The following EPS8 variants were observed in gnomAD, a reference collection of about 807,000 sequenced individuals.
EPS8 encodes the protein EGFR pathway substrate 8, signaling adaptor, also known as epidermal growth factor receptor kinase substrate 8.
A neutral mutation model predicts 103.8 loss-of-function variants in EPS8; 42 were observed. That is an observed-to-expected ratio of 0.40 (90% CI 0.32 to 0.52). The LOEUF is 0.52. Ranked by LOEUF, EPS8 falls within the 20% of genes least tolerant of loss-of-function variation. EPS8 has a pLI of 0.40. For synonymous variants in EPS8, 344 were observed against 344.6 expected (o/e 1.00, Z 0.02); for missense variants, 969 against 1,005.1 (o/e 0.96, Z 0.49).
Position 15,749,279 on chromosome 12 carries a change from A to G in EPS8, c.-22+39882T>C, listed in dbSNP as rs368390760. Among the ~76,000 whole-genome samples, 5 of 152,012 alleles carry G rather than the reference A, an allele frequency of 3.3e-5. No homozygotes were observed. The East Asian group carries it at 5.8e-4, about 18-fold the overall frequency. ...TTTTAATATAATATCCTTTTATAGC[A>G]CTCGCTGTCTGTGGCATTTCATTGA... is the stretch of plus-strand genomic sequence containing the variant. On this transcript the variant is annotated intron_variant, in intron 1 of 20. Transcript: ENST00000281172. The surrounding 1 kb of genome is among the most constrained non-coding windows in gnomAD (Gnocchi z 4.0).
In EPS8 at chr12:15,735,818, A is replaced by G. The variant is rs1946762016; in HGVS notation, c.-21-52846T>C. On this transcript the variant is annotated intron_variant, in intron 1 of 20. Transcript: ENST00000281172. This position sits in a 1 kb window ranked among gnomAD's most constrained non-coding sequence, Gnocchi z 4.4. ...TATCAATTAAATATTTAAACAATCC[A>G]TAATTGGCAATATTTTTAAAAACTT... Among the ~76,000 whole-genome samples the G allele has an allele frequency of 6.6e-6, 1 of 152,228 alleles. No individual in the cohort carries two copies. Among genetic ancestry groups the G allele is most frequent in the Non-Finnish European group, 1.5e-5 (1 of 68,034 alleles).
chr12:15,639,650 G>C (rs1300561871), intron 17 of EPS8, among the ~76,000 whole-genome samples: 2 of 152,106 alleles, frequency 1.3e-5, no homozygotes, highest in Non-Finnish European at 2.9e-5. Flanking sequence ...AAGTCCCTCT[G>C]GATAAGCACA....
intron 14 of EPS8, among the ~76,000 whole-genome samples, chr12:15,649,483 C>T (rs1945375772): frequency 6.6e-6 from 1 of 151,992 alleles, no homozygotes; most frequent in Non-Finnish European, 1.5e-5. Context: ...AAAGAAAATT[C>T]ACAGTGATGA....
chr12:15,674,596 T>C (rs1945871786), intron 3 of EPS8, among the ~76,000 whole-genome samples: 1 of 152,200 alleles, frequency 6.6e-6, no homozygotes, highest in Admixed American at 6.5e-5. Context: ...ATCATTTCTT[T>C]AAAACTACAT....
chr12:15,654,461 T>G, intron 12 of EPS8, 168 bp from the exon 13 acceptor site: 1 of 659,854 alleles, frequency 1.5e-6, no homozygotes, highest in Non-Finnish European at 2.6e-6. Context: ...TCAAATCAAC[T>G]TGCCCAGCCC....
rs533025960 is a variant in EPS8, at chr12:15,714,753, C to T, written c.-21-31781G>A. Among the ~76,000 whole-genome samples the T allele has an allele frequency of 1.3e-5, 2 of 152,302 alleles. No individual in the cohort carries two copies. The highest frequency in any genetic ancestry group is 1.5e-5 in the Non-Finnish European group (1 of 68,024). ...AAAAATACATTCTCTGTATAGTGCA[C>T]TCAGAGTTTTCATCAGGTTTCTATA... On this transcript the variant is annotated intron_variant, in intron 1 of 20. Transcript: ENST00000281172. This position sits in a 1 kb window ranked among gnomAD's most constrained non-coding sequence, Gnocchi z 4.1.
In EPS8 at chr12:15,760,952, A is replaced by G. The variant is rs190371166; in HGVS notation, c.-22+28209T>C. On this transcript the variant is annotated intron_variant, in intron 1 of 20. Transcript: ENST00000281172. The surrounding 1 kb of genome is among the most constrained non-coding windows in gnomAD (Gnocchi z 4.5). Reference sequence around the variant, plus strand: ...TGCAGTACTCCTAGCTAGAGCAATCAGACAAGAGAAAGAAAGAAAGGGCAT... The same window carrying G: ...TGCAGTACTCCTAGCTAGAGCAATCGGACAAGAGAAAGAAAGAAAGGGCAT... Among the ~76,000 whole-genome samples, 412 of 152,234 alleles carry G rather than the reference A, an allele frequency of 2.7e-3. 4 individuals carry two copies. Among genetic ancestry groups the G allele is most frequent in the African/African-American group, 8.3e-3 (347 of 41,564 alleles).
At chr12:15,732,079 C>T (rs1228028378) in intron 1 of EPS8, among the ~76,000 whole-genome samples, 1 of 152,124 alleles carries the variant, frequency 6.6e-6, no homozygotes, top group Non-Finnish European at 1.5e-5. Context: ...AAAACTCTAA[C>T]CCTATTCCCA....
At chr12:15,635,760 A>T (rs1409004880) in intron 17 of EPS8, among the ~76,000 whole-genome samples, 1 of 152,182 alleles carries the variant, frequency 6.6e-6, no homozygotes, top group East Asian at 1.9e-4. Context: ...CAGAAAAATA[A>T]AATGCTCTCT....
In EPS8 at chr12:15,650,804, A is replaced by T; in HGVS notation, c.1434+19T>A. ...ATAATTACACTGTCTACAGAGGGCA[A>T]TGTTAAAAAAAAAACTACCTCTGTG... On this transcript the variant is annotated intron_variant, in intron 14 of 20. Transcript: ENST00000281172. The T allele has an allele frequency of 6.3e-7, 1 of 1,591,986 alleles. No homozygotes were observed. Among genetic ancestry groups the T allele is most frequent in the South Asian group, 1.1e-5 (1 of 89,748 alleles).
chr12:15,695,448 A>G lies in EPS8; in HGVS notation c.-21-12476T>C, dbSNP rs936074498. Reference sequence around the variant, plus strand: ...ATGCACTATATTAGCACTGCTCAATACAGTAGCTGAGCACAAGTGTTGAGC... The same window carrying G: ...ATGCACTATATTAGCACTGCTCAATGCAGTAGCTGAGCACAAGTGTTGAGC... On this transcript the variant is annotated intron_variant, in intron 1 of 20. Transcript: ENST00000281172. This position sits in a 1 kb window ranked among gnomAD's most constrained non-coding sequence, Gnocchi z 5.0. 2.4e-4 allele frequency among the ~76,000 whole-genome samples: 36 copies of G among 152,384 alleles called. No homozygotes were observed. Among genetic ancestry groups the G allele is most frequent in the South Asian group, 4.1e-4 (2 of 4,832 alleles).
At chr12:15,650,756 CAG>C (rs1375493190) in intron 14 of EPS8, 65 bp downstream of exon 14, 1 of 1,286,920 alleles carries the variant, frequency 7.8e-7, no homozygotes, top group Non-Finnish European at 1.1e-6. Context: ...AACTTGCAAT[CAG>C]AATTACAAGA....
chr12:15,666,305 T>A, intron 7 of EPS8, 135 bp downstream of exon 7: 2 of 649,970 alleles, frequency 3.1e-6, no homozygotes, highest in South Asian at 2.1e-5. Flanking sequence ...GGAGAACAAA[T>A]GTGTTGAGAC....
chr12:15,782,686 A>G (rs1295816095), intron 1 of EPS8, among the ~76,000 whole-genome samples: 3 of 152,184 alleles, frequency 2.0e-5, no homozygotes, highest in Non-Finnish European at 4.4e-5. Flanking sequence ...ATTTATCAAA[A>G]CTTACACACA....
intron 20 of EPS8, among the ~76,000 whole-genome samples, chr12:15,622,799 T>C (rs1000979011): frequency 7.5e-6 from 1 of 133,770 alleles, no homozygotes; most frequent in Non-Finnish European, 1.5e-5. Flanking sequence ...AAAAAAAAAA[T>C]ATTAAGAATA....
At chr12:15,675,746 T>C (rs1203119916) in intron 3 of EPS8, among the ~76,000 whole-genome samples, 1 of 152,222 alleles carries the variant, frequency 6.6e-6, no homozygotes, top group Non-Finnish European at 1.5e-5. Flanking sequence ...TTCAATGAAA[T>C]GAGTTTTCTA....
chr12:15,641,608 T>C, intron 16 of EPS8, 114 bp downstream of exon 16: 2 of 487,430 alleles, frequency 4.1e-6, no homozygotes, highest in Non-Finnish European at 7.1e-6. Flanking sequence ...ATATTTCTAA[T>C]ATACTACGTC....
intron 6 of EPS8, 138 bp from the exon 7 acceptor site, chr12:15,666,660 G>T: frequency 1.6e-6 from 1 of 609,548 alleles, no homozygotes; most frequent in Non-Finnish European, 2.9e-6. Flanking sequence ...TAAAAATCTT[G>T]CAAAACATGA....
At chr12:15,657,039 T>A (rs566868380) in intron 12 of EPS8, among the ~76,000 whole-genome samples, 2 of 152,162 alleles carry the variant, frequency 1.3e-5, no homozygotes, top group Non-Finnish European at 2.9e-5. Context: ...GCCAGGGCAA[T>A]CCTTTTCTGC....
Sources: gnomAD v4.1 joint callset for allele counts (sites outside exome capture counted in the v4.1 genomes callset) on GRCh38, gnomAD v4.1.1 for gene constraint, Gnocchi (gnomAD v3.1) non-coding constraint, MANE v1.5 for transcripts, NCBI Gene and HGNC (gene_info 2026-07-23, HGNC 2026-07-21) for gene names.